KIAA1217: variants seen among roughly 807,000 people sequenced by gnomAD.
The protein encoded by KIAA1217 is sickle tail protein homolog.
KIAA1217 carries 88 observed loss-of-function variants against 163.9 expected under a neutral mutation model. That is an observed-to-expected ratio of 0.54 (90% CI 0.45 to 0.64). The LOEUF is 0.64. Ranked by LOEUF, KIAA1217 falls within the 30% of genes least tolerant of loss-of-function variation. The pLI, the probability that KIAA1217 is intolerant of heterozygous loss-of-function variation, is 0.00. For missense variants in KIAA1217, 2,372 were observed against 2,475.0 expected (o/e 0.96, Z 0.88); for synonymous variants, 903 against 923.1 (o/e 0.98, Z 0.39).
chr10:24,544,898 T>C (rs988326323), intron 19 of KIAA1217, 83 bp from the exon 20 acceptor site: 1 of 1,481,166 alleles, frequency 6.8e-7, no homozygotes, highest in African/African-American at 1.4e-5. Context: ...CTTGAGCTTC[T>C]CTGCACATCG....
chr10:24,219,032 T>C (rs1312655070), intron 1 of KIAA1217, among the ~76,000 whole-genome samples: 3 of 152,176 alleles, frequency 2.0e-5, no homozygotes, highest in Non-Finnish European at 4.4e-5. Context: ...GTTAACTCTT[T>C]CTATAATTAC....
chr10:24,062,781 C>T (rs568358447), intron 2 of KIAA1217, among the ~76,000 whole-genome samples: 111 of 152,196 alleles, frequency 7.3e-4, no homozygotes, highest in Middle Eastern at 6.8e-3. Context: ...CCTATTTCTC[C>T]ACATCCTCTC....
chr10:24,211,197 A>C (rs1048597741), intron 1 of KIAA1217, among the ~76,000 whole-genome samples: 1 of 152,026 alleles, frequency 6.6e-6, no homozygotes, highest in Admixed American at 6.5e-5. Context: ...AGGTAACAGC[A>C]GGGATGTAAT....
chr10:24,450,229 A>T (rs1186920625), intron 5 of KIAA1217, among the ~76,000 whole-genome samples: 1 of 152,244 alleles, frequency 6.6e-6, no homozygotes, highest in Non-Finnish European at 1.5e-5. Context: ...TTCCAGGGAA[A>T]AATTATTTGG....
intron 6 of KIAA1217, among the ~76,000 whole-genome samples, chr10:24,479,818 C>T (rs2064440873): frequency 6.6e-6 from 1 of 152,104 alleles, no homozygotes; most frequent in African/African-American, 2.4e-5. Context: ...GTCTGGTTTC[C>T]TAACAACTCA....
At chr10:24,064,241 T>C (rs11013874) in intron 2 of KIAA1217, among the ~76,000 whole-genome samples, 17,530 of 151,968 alleles carry the variant, frequency 0.12, 2,256 homozygotes, top group African/African-American at 0.32. Flanking sequence ...GGAGTGCTTC[T>C]AGTTTTTCTC....
At chr10:24,103,691 C>A (rs141767089) in intron 2 of KIAA1217, among the ~76,000 whole-genome samples, 1,609 of 151,978 alleles carry the variant, frequency 0.011, 29 homozygotes, top group African/African-American at 0.037. Flanking sequence ...TGATGAGATA[C>A]CACCACACAC....
chr10:24,420,473 CT>C (rs902784659), intron 3 of KIAA1217, among the ~76,000 whole-genome samples: 1 of 152,040 alleles, frequency 6.6e-6, no homozygotes, highest in Non-Finnish European at 1.5e-5. Context: ...GTCTTCATTA[CT>C]TTGTTTGTAA....
chr10:24,298,216 C>T (rs2040851366), intron 2 of KIAA1217, among the ~76,000 whole-genome samples: 1 of 152,086 alleles, frequency 6.6e-6, no homozygotes, highest in African/African-American at 2.4e-5. Flanking sequence ...CACACTGATT[C>T]TACTTAGAGG....
In KIAA1217 at chr10:24,543,874, G is replaced by T. The variant is rs757474244; in HGVS notation, c.4604G>T (p.Gly1535Val). ...SLATETRNPG[G>V]QEMNRTELNK... is the part of the protein sequence containing the mutation. ...GCCACAGAGACCAGAAACCCAGGAG[G>T]ACAGGAAATGAACAGAACGGAGCTG... The change falls in exon 19 of 21, where the codon GGA becomes GTA. Residue 1535 changes from glycine (G) to valine (V), a missense_variant. Physicochemically the swap from Gly to Val is moderately radical, Grantham distance 109. Around this residue, in one of 3 missense-constraint regions of KIAA1217, gnomAD observed 690 missense variants for 677.5 expected, o/e 1.02. Coordinates refer to ENST00000376454, the MANE Select transcript of KIAA1217 (RefSeq NM_019590.5). 6.2e-7 allele frequency: 1 copy of T among 1,614,062 alleles called. No individual in the cohort carries two copies. The highest frequency in any genetic ancestry group is 1.1e-5 in the South Asian group (1 of 91,062).
chr10:24,334,416 G>A (rs1373856371), intron 2 of KIAA1217, among the ~76,000 whole-genome samples: 1 of 143,834 alleles, frequency 7.0e-6, no homozygotes, highest in Non-Finnish European at 1.5e-5. Context: ...AAAGATGGAG[G>A]GGTGGAGGAG....
chr10:23,977,443 G>C (rs942570524), intron 1 of KIAA1217, among the ~76,000 whole-genome samples: 1 of 152,134 alleles, frequency 6.6e-6, no homozygotes, highest in Admixed American at 6.6e-5. Context: ...GACAGAGTTA[G>C]ATGAGAGTGA....
intron 1 of KIAA1217, among the ~76,000 whole-genome samples, chr10:23,731,640 C>A (rs1290725128): frequency 6.6e-6 from 1 of 152,138 alleles, no homozygotes; most frequent in Non-Finnish European, 1.5e-5. Context: ...CCCATCCCAT[C>A]ATTTTTGAGA....
At chr10:23,925,733 C>T (rs1842995351) in intron 1 of KIAA1217, among the ~76,000 whole-genome samples, 1 of 152,180 alleles carries the variant, frequency 6.6e-6, no homozygotes, top group African/African-American at 2.4e-5. Context: ...TGACTGTAGA[C>T]AGACTGGATT....
chr10:24,528,676 T>A (rs1394646088), intron 14 of KIAA1217, among the ~76,000 whole-genome samples: 1 of 152,192 alleles, frequency 6.6e-6, no homozygotes, highest in Non-Finnish European at 1.5e-5. Flanking sequence ...AGTTCTGTGT[T>A]AGGATTCTAG....
rs1589476311 is a variant in KIAA1217, at chr10:24,095,498, T to A, written c.-171+88124T>A. 2.0e-5 allele frequency among the ~76,000 whole-genome samples: 3 copies of A among 152,142 alleles called. No individual in the cohort carries two copies. The East Asian group carries it at 5.8e-4, about 29-fold the overall frequency. On this transcript the variant is annotated intron_variant, in intron 2 of 18. Coordinates refer to the KIAA1217 transcript ENST00000376462. ...ACTGAACACACCTTCTTCTCTTAAT[T>A]TCCAGAAACCACCCTCTCCAGCCTT...
intron 2 of KIAA1217, among the ~76,000 whole-genome samples, chr10:24,321,114 C>T (rs187784567): frequency 1.8e-3 from 267 of 151,994 alleles, no homozygotes; most frequent in African/African-American, 5.5e-3. Context: ...GGGGCGGTTC[C>T]TCAGAAAAAA....
At chr10:24,393,664 G>A (rs572152444) in intron 3 of KIAA1217, among the ~76,000 whole-genome samples, 1 of 152,348 alleles carries the variant, frequency 6.6e-6, no homozygotes, top group Admixed American at 6.5e-5. Context: ...GAGGTCATAA[G>A]TGTAGGTCTT....
Position 23,866,622 on chromosome 10 carries a change from C to A in KIAA1217, c.-320-140603C>A, listed in dbSNP as rs578059618. Reference sequence around the variant, plus strand: ...GACCCATCCCACCGTGCACCCTACCCCTGCTTGGGAGAGAAGGTGCCATCA... The same window carrying A: ...GACCCATCCCACCGTGCACCCTACCACTGCTTGGGAGAGAAGGTGCCATCA... On this transcript the variant is annotated intron_variant, in intron 1 of 18. Coordinates refer to the KIAA1217 transcript ENST00000376462. Among the ~76,000 whole-genome samples, 51 of 152,046 alleles carry A rather than the reference C, an allele frequency of 3.4e-4. No homozygotes were observed. The South Asian group carries it at 5.6e-3, about 17-fold the overall frequency.
Sources: allele counts gnomAD v4.1 joint callset (sites outside exome capture counted in the v4.1 genomes callset), GRCh38; gene constraint gnomAD v4.1.1; regional missense constraint gnomAD v4.1.1; transcripts MANE v1.5; gene names NCBI Gene and HGNC (gene_info 2026-07-23, HGNC 2026-07-21).